The following ESR2 variants were observed in gnomAD, a reference collection of about 807,000 sequenced individuals.
ESR2 encodes the protein estrogen receptor 2.
ESR2 carries 36 observed loss-of-function variants against 49.6 expected under a neutral mutation model. The observed-to-expected ratio is 0.73, with a 90% CI of 0.56 to 0.96. The LOEUF (loss-of-function observed/expected upper bound fraction) is 0.96. Ranked by LOEUF, ESR2 falls within the 40% of genes least tolerant of loss-of-function variation. The pLI, the probability that ESR2 is intolerant of heterozygous loss-of-function variation, is 0.00. For missense variants in ESR2, 714 were observed against 693.0 expected, an observed-to-expected ratio of 1.03 and a Z score of -0.34; for synonymous variants, 320 against 266.1, an observed-to-expected ratio of 1.20 and a Z score of -1.97.
chr14:64,337,958 A>AT (rs2077552341), exon 1 of ESR2: 1 of 152,782 alleles, frequency 6.5e-6, no homozygotes, highest in Admixed American at 6.5e-5. Context: ...GAGCAAGCAC[A>AT]TTCATCGGAC....
At chr14:64,276,818 A>G (rs1032027690) in intron 3 of ESR2, among the ~76,000 whole-genome samples, 1 of 152,216 alleles carries the variant, frequency 6.6e-6, no homozygotes, top group Non-Finnish European at 1.5e-5. Flanking sequence ...ATACGACAAT[A>G]TTAAGTGAAA....
intron 1 of ESR2, among the ~76,000 whole-genome samples, chr14:64,308,964 A>G (rs951298881): frequency 6.6e-6 from 1 of 152,094 alleles, no homozygotes; most frequent in South Asian, 2.1e-4. Context: ...TTTCTTTGTT[A>G]AAAAGAAAGA....
intron 1 of ESR2, among the ~76,000 whole-genome samples, chr14:64,285,229 CAT>C (rs2076765216): frequency 6.6e-6 from 1 of 152,184 alleles, no homozygotes; most frequent in Non-Finnish European, 1.5e-5. Flanking sequence ...CCTCCAGATC[CAT>C]AGAGTTGTCA....
At chr14:64,324,494 A>G (rs1371049248) in intron 1 of ESR2, among the ~76,000 whole-genome samples, 1 of 152,190 alleles carries the variant, frequency 6.6e-6, no homozygotes, top group African/African-American at 2.4e-5. Context: ...TAACATCTAT[A>G]ATTCAGGAAA....
chr14:64,246,359 G>A (rs2075855370), intron 7 of ESR2, among the ~76,000 whole-genome samples: 2 of 152,026 alleles, frequency 1.3e-5, no homozygotes, highest in Admixed American at 6.6e-5. Context: ...GGGCTCTTCT[G>A]CCTTTGCTTG....
intron 1 of ESR2, among the ~76,000 whole-genome samples, chr14:64,308,216 T>C (rs547353498): frequency 2.6e-5 from 4 of 152,222 alleles, no homozygotes; most frequent in Non-Finnish European, 5.9e-5. Context: ...GGTCTCACCA[T>C]GTTGCCCAGG....
At chr14:64,287,271 G>A (rs2076799424) in intron 1 of ESR2, among the ~76,000 whole-genome samples, 1 of 152,082 alleles carries the variant, frequency 6.6e-6, no homozygotes, top group Admixed American at 6.6e-5. Context: ...ATGACTCTGG[G>A]TACCCAGCAG....
chr14:64,234,577 G>A (rs554828199), intron 8 of ESR2: 251 of 275,066 alleles, frequency 9.1e-4, no homozygotes, highest in African/African-American at 5.2e-3. Context: ...TCACCAGCTC[G>A]AGGGGCCATC....
At chr14:64,281,151 G>T (rs983602494) in intron 2 of ESR2, among the ~76,000 whole-genome samples, 1 of 152,150 alleles carries the variant, frequency 6.6e-6, no homozygotes, top group African/African-American at 2.4e-5. Context: ...GAGAGAACAA[G>T]CAAGTGCCTG....
chr14:64,298,059 AT>A (rs1241007296), upstream of ESR2, among the ~76,000 whole-genome samples: 1 of 151,338 alleles, frequency 6.6e-6, no homozygotes, highest in Non-Finnish European at 1.5e-5. Flanking sequence ...AGGATTACTA[AT>A]TAATATGTCA....
At position 64,267,883 on chromosome 14, in the gene ESR2, C is replaced by CAA. The variant is rs397691951; in HGVS notation, c.652+910_652+911dup. Among the ~76,000 whole-genome samples the CAA allele has an allele frequency of 6.0e-3, 477 of 79,500 alleles. 4 individuals carry two copies. Among genetic ancestry groups the CAA allele is most frequent in the African/African-American group, 0.019 (421 of 22,312 alleles). 52.2% of individuals were successfully genotyped at this position (79,500 alleles called of 152,430 possible). A position where few individuals can be genotyped will look rare whatever the true frequency, so the allele number is the denominator to read the frequency against. ...TGGGTGACAGAGCGAGACTCCATCT[C>CAA]AAAAAAAAAAAAAAAAAGAAATTGT... On this transcript the variant is annotated intron_variant, in intron 4 of 8. Transcript: ENST00000341099.
chr14:64,259,108 C>T (rs1350630226), intron 5 of ESR2, among the ~76,000 whole-genome samples: 2 of 152,134 alleles, frequency 1.3e-5, no homozygotes, highest in African/African-American at 4.8e-5. Flanking sequence ...ACATTTAAAG[C>T]AAAAACTAGA....
At chr14:64,265,266 A>T (rs921379888) in intron 4 of ESR2, among the ~76,000 whole-genome samples, 1 of 152,210 alleles carries the variant, frequency 6.6e-6, no homozygotes, top group Admixed American at 6.5e-5. Flanking sequence ...GCCAAAGATG[A>T]TGATGATCGT....
intron 1 of ESR2, chr14:64,336,857 GCTTT>G (rs1024817381): frequency 6.6e-6 from 1 of 151,902 alleles, no homozygotes; most frequent in Non-Finnish European, 1.5e-5. Flanking sequence ...TCAAACCCTT[GCTTT>G]CTTTCTTATA....
chr14:64,243,067 C>A (rs2075773057), intron 7 of ESR2, among the ~76,000 whole-genome samples: 1 of 152,188 alleles, frequency 6.6e-6, no homozygotes, highest in East Asian at 1.9e-4. Context: ...CCCACCAGGT[C>A]CCTCCCACAA....
At chr14:64,283,747 CAAAAAAA>C (rs757997424) in intron 1 of ESR2, among the ~76,000 whole-genome samples, 19 of 45,548 alleles carry the variant, frequency 4.2e-4, no homozygotes, top group East Asian at 1.6e-3. Context: ...GACCCTGTCT[CAAAAAAA>C]AAAAAAAAAA....
intron 7 of ESR2, among the ~76,000 whole-genome samples, chr14:64,248,594 G>T (rs539972257): frequency 6.6e-6 from 1 of 150,978 alleles, no homozygotes; most frequent in Non-Finnish European, 1.5e-5. Flanking sequence ...TATTCCTGAT[G>T]ATTTTATTTT....
chr14:64,332,469 G>A (rs2077471884), intron 1 of ESR2, among the ~76,000 whole-genome samples: 1 of 152,118 alleles, frequency 6.6e-6, no homozygotes, highest in South Asian at 2.1e-4. Flanking sequence ...CTTATTATAA[G>A]AGGATACATT....
intron 7 of ESR2, among the ~76,000 whole-genome samples, chr14:64,247,061 C>G (rs1033602653): frequency 6.6e-6 from 1 of 152,192 alleles, no homozygotes; most frequent in Non-Finnish European, 1.5e-5. Flanking sequence ...CCAAGCAACT[C>G]TTGGACAGTA....
Sources: gnomAD v4.1 joint callset for allele counts (sites outside exome capture counted in the v4.1 genomes callset) on GRCh38, gnomAD v4.1.1 for gene constraint, MANE v1.5 for transcripts, NCBI Gene and HGNC (gene_info 2026-07-23, HGNC 2026-07-21) for gene names.